The following TMEFF2 variants were observed in gnomAD, a reference collection of about 807,000 sequenced individuals.
TMEFF2 encodes the protein transmembrane protein with EGF like and two follistatin like domains 2, also known as tomoregulin-2.
TMEFF2 carries 28 observed loss-of-function variants against 53.8 expected under a neutral mutation model. That is an observed-to-expected ratio of 0.52 (90% confidence interval 0.39 to 0.71). TMEFF2 has a LOEUF of 0.71. TMEFF2 is among the 30% of genes least tolerant of loss of function. TMEFF2 has a pLI of 0.00. For synonymous variants in TMEFF2, 162 were observed against 166.3 expected, an observed-to-expected ratio of 0.97 and a Z score of 0.20; for missense variants, 353 against 455.2, an observed-to-expected ratio of 0.78 and a Z score of 2.04.
intron 7 of TMEFF2, among the ~76,000 whole-genome samples, chr2:191,971,264 A>G (rs1692632005): frequency 6.6e-6 from 1 of 152,218 alleles, no homozygotes; most frequent in African/African-American, 2.4e-5. Context: ...CCCTCCAGGT[A>G]TATAATTACA....
chr2:192,176,303 T>C (rs969547552), intron 4 of TMEFF2, among the ~76,000 whole-genome samples: 15 of 151,486 alleles, frequency 9.9e-5, no homozygotes, highest in Middle Eastern at 6.8e-3. Flanking sequence ...TTATTTGATG[T>C]AGATGCCTTT....
Position 192,104,567 on chromosome 2 carries a change from AAAACCTGACAATTTT to A in TMEFF2, c.440-46807_440-46793del, listed in dbSNP as rs543552526. Among the ~76,000 whole-genome samples, 10 of 152,266 alleles carry A rather than the reference AAAACCTGACAATTTT, an allele frequency of 6.6e-5. No homozygotes were observed. The South Asian group carries it at 2.1e-3, about 32-fold the overall frequency. On this transcript the variant is annotated intron_variant, in intron 4 of 9. Transcript: ENST00000272771. ...GGTTACTGGCAAACATTTTAATGCA[AAAACCTGACAATTTT>A]AAACCTCTTCTATTCATATTGTATT... is the stretch of plus-strand genomic sequence containing the variant.
intron 2 of TMEFF2, among the ~76,000 whole-genome samples, chr2:192,186,280 C>T (rs571746845): frequency 1.3e-5 from 2 of 152,268 alleles, no homozygotes; most frequent in African/African-American, 4.8e-5. Flanking sequence ...TGAAAACTGA[C>T]TCACCACAGG....
At chr2:192,044,682 C>G (rs1428458513) in intron 5 of TMEFF2, among the ~76,000 whole-genome samples, 1 of 152,164 alleles carries the variant, frequency 6.6e-6, no homozygotes, top group Non-Finnish European at 1.5e-5. Context: ...GGGATGCTGT[C>G]TGGAGCCTTT....
At chr2:192,185,306 T>A (rs567828607) in intron 2 of TMEFF2, among the ~76,000 whole-genome samples, 49 of 151,158 alleles carry the variant, frequency 3.2e-4, no homozygotes, top group African/African-American at 1.2e-3. Context: ...TTAATGATAC[T>A]TGGCTTTGTT....
chr2:192,035,377 A>G (rs1369792094), intron 5 of TMEFF2: 2 of 152,272 alleles, frequency 1.3e-5, no homozygotes, highest in East Asian at 3.8e-4. Context: ...GCAGCATCCC[A>G]TAACACAGTC....
intron 4 of TMEFF2, among the ~76,000 whole-genome samples, chr2:192,119,671 G>A (rs1035222239): frequency 9.9e-5 from 15 of 152,162 alleles, no homozygotes; most frequent in African/African-American, 3.1e-4. Context: ...TCATAAATCT[G>A]TGTGAGAATG....
intron 4 of TMEFF2, among the ~76,000 whole-genome samples, chr2:192,166,985 G>A (rs551124274): frequency 4.2e-4 from 64 of 152,116 alleles, no homozygotes; most frequent in Non-Finnish European, 7.1e-4. Flanking sequence ...GGCACTGGTT[G>A]GTCACCTTAT....
intron 5 of TMEFF2, among the ~76,000 whole-genome samples, chr2:192,038,677 G>A (rs1271797432): frequency 4.0e-5 from 6 of 151,860 alleles, no homozygotes; most frequent in Non-Finnish European, 5.9e-5. Context: ...GTAGATACAG[G>A]GTTTCACCAT....
At chr2:192,133,076 T>C (rs1689896694) in intron 4 of TMEFF2, among the ~76,000 whole-genome samples, 1 of 151,984 alleles carries the variant, frequency 6.6e-6, no homozygotes, top group Non-Finnish European at 1.5e-5. Flanking sequence ...CGGCCAGGCT[T>C]CTAAACCTCT....
At chr2:192,022,504 T>G (rs1417857787) in intron 5 of TMEFF2, among the ~76,000 whole-genome samples, 1 of 152,236 alleles carries the variant, frequency 6.6e-6, no homozygotes, top group Non-Finnish European at 1.5e-5. Flanking sequence ...TAGGGGCTTA[T>G]TCTCATGAAA....
At chr2:192,034,587 T>G (rs1379141542) in intron 5 of TMEFF2, 1 of 152,254 alleles carries the variant, frequency 6.6e-6, no homozygotes, top group Non-Finnish European at 1.5e-5. Context: ...TATATTCTTC[T>G]TGTCAGAACC....
At chr2:192,008,879 TA>T (rs1686563470) in intron 5 of TMEFF2, among the ~76,000 whole-genome samples, 1 of 152,142 alleles carries the variant, frequency 6.6e-6, no homozygotes, top group East Asian at 1.9e-4. Flanking sequence ...CTTTTAGGAG[TA>T]AATGTGTATG....
At chr2:192,030,418 G>A (rs1687100783) in intron 5 of TMEFF2, 1 of 151,984 alleles carries the variant, frequency 6.6e-6, no homozygotes, top group African/African-American at 2.4e-5. Flanking sequence ...TTGATACAGA[G>A]GCTTACTCAT....
In TMEFF2 at chr2:192,194,501, C is replaced by A; in HGVS notation, c.24G>T (p.Arg8=). 1 of 1,613,710 alleles carries A rather than the reference C, an allele frequency of 6.2e-7. No individual in the cohort carries two copies. The highest frequency in any genetic ancestry group is 1.7e-4 in the Middle Eastern group (1 of 5,782). Residue 8 remains arginine, a synonymous_variant, in exon 1 of 10, where the codon CGG becomes CGT. Transcript: ENST00000272771. This position sits in a 1 kb window ranked among gnomAD's most constrained non-coding sequence, Gnocchi z 4.2. MVLWESP[R]QCSSWTLCEG... ...CGCAAAGTGTCCAGCTGCTGCACTG[C>A]CGCGGGGACTCCCACAGCACCATGA...
chr2:192,150,794 T>G (rs528785647), intron 4 of TMEFF2, among the ~76,000 whole-genome samples: 1 of 150,962 alleles, frequency 6.6e-6, no homozygotes, highest in South Asian at 2.1e-4. Flanking sequence ...CCCAGCCTCT[T>G]CTTTGTCTTT....
intron 4 of TMEFF2, among the ~76,000 whole-genome samples, chr2:192,081,436 A>G (rs1364778485): frequency 6.6e-6 from 1 of 152,214 alleles, no homozygotes. Context: ...CTAATTTAAG[A>G]AAGATCAAAC....
chr2:192,087,193 G>C (rs905260216), intron 4 of TMEFF2, among the ~76,000 whole-genome samples: 1 of 151,978 alleles, frequency 6.6e-6, no homozygotes, highest in Non-Finnish European at 1.5e-5. Context: ...AAAAACGATA[G>C]AGTAATTCAT....
intron 4 of TMEFF2, among the ~76,000 whole-genome samples, chr2:192,137,319 A>C (rs1690034082): frequency 1.3e-5 from 2 of 152,338 alleles, no homozygotes; most frequent in South Asian, 4.1e-4. Context: ...AGGATGGAAG[A>C]GAATGAAAAA....
Sources: gnomAD v4.1 joint callset for allele counts (sites outside exome capture counted in the v4.1 genomes callset) on GRCh38, gnomAD v4.1.1 for gene constraint, Gnocchi (gnomAD v3.1) non-coding constraint, MANE v1.5 for transcripts, NCBI Gene and HGNC (gene_info 2026-07-23, HGNC 2026-07-21) for gene names.